The following ARID1B variants were observed in gnomAD, a reference collection of about 807,000 sequenced individuals.
ARID1B encodes AT-rich interaction domain 1B.
A neutral mutation model predicts 212.3 loss-of-function variants in ARID1B; 30 were observed. The observed-to-expected ratio is 0.14, with a 90% CI of 0.11 to 0.19. The LOEUF is 0.19. ARID1B is among the 10% of genes least tolerant of loss of function. The pLI, the probability that ARID1B is intolerant of heterozygous loss-of-function variation, is 1.00. For synonymous variants in ARID1B, 1,402 were observed against 1,301.7 expected, an observed-to-expected ratio of 1.08 and a Z score of -1.66; for missense variants, 2,891 against 3,204.0, an observed-to-expected ratio of 0.90 and a Z score of 2.36.
chr6:157,015,253 G>A (rs935347215), intron 4 of ARID1B, among the ~76,000 whole-genome samples: 5 of 152,236 alleles, frequency 3.3e-5, no homozygotes, highest in African/African-American at 7.2e-5. Flanking sequence ...AAGTCCCGGA[G>A]TTTTGAGCTT....
At chr6:156,973,680 G>A (rs925096823) in intron 4 of ARID1B, among the ~76,000 whole-genome samples, 1 of 152,150 alleles carries the variant, frequency 6.6e-6, no homozygotes, top group Non-Finnish European at 1.5e-5. Context: ...CCTGCTCTCA[G>A]GAGAACTGAG....
intron 2 of ARID1B, among the ~76,000 whole-genome samples, chr6:156,852,052 C>T (rs1459409360): frequency 6.6e-6 from 1 of 152,086 alleles, no homozygotes; most frequent in Non-Finnish European, 1.5e-5. Flanking sequence ...CTTTACCTCT[C>T]GCAAGAGCAT....
intron 5 of ARID1B, among the ~76,000 whole-genome samples, chr6:157,103,383 G>A (rs896908412): frequency 2.6e-5 from 4 of 152,076 alleles, no homozygotes; most frequent in Non-Finnish European, 4.4e-5. Context: ...GACAATGAAC[G>A]GAATTAAATT....
chr6:156,777,753 C>A lies in ARID1B; in HGVS notation c.73C>A (p.Arg25=). ...RARARAGSGE[R]RAPPGPRPAP... ...GCGGGCGCGGGCAGGCAGCGGCGAA[C>A]GGCGGGCGCCCCCCGGGCCGCGGCC... The change falls in exon 1 of 20, where the codon CGG becomes AGG. Residue 25 remains arginine, a synonymous_variant. Coordinates refer to ENST00000636930, the MANE Select transcript of ARID1B (RefSeq NM_001374828.1). The A allele has an allele frequency of 3.9e-6, 2 of 507,392 alleles. No homozygotes were observed. Among genetic ancestry groups the A allele is most frequent in the Non-Finnish European group, 5.0e-6 (2 of 399,112 alleles). The allele number at this position is 507,392 out of a possible 1,614,324, so 31.4% of individuals were successfully genotyped here. A position where few individuals can be genotyped will look rare whatever the true frequency, so the allele number is the denominator to read the frequency against.
At chr6:157,078,020 C>G (rs968888407) in intron 4 of ARID1B, among the ~76,000 whole-genome samples, 1 of 152,104 alleles carries the variant, frequency 6.6e-6, no homozygotes, top group Admixed American at 6.5e-5. Flanking sequence ...AATAAAGGGC[C>G]AGCAGTTACG....
chr6:156,780,397 AG>A (rs1470847561), intron 1 of ARID1B: 1 of 152,240 alleles, frequency 6.6e-6, no homozygotes, highest in Non-Finnish European at 1.5e-5. Flanking sequence ...CAGCGCTGTT[AG>A]GAAGTGTCCT....
chr6:157,022,999 G>A (rs1780424702), intron 4 of ARID1B: 1 of 152,206 alleles, frequency 6.6e-6, no homozygotes, highest in Admixed American at 6.5e-5. Flanking sequence ...AATATGCATA[G>A]AAATTTTCAT....
At chr6:156,837,937 C>T (rs1783626989) in intron 2 of ARID1B, among the ~76,000 whole-genome samples, 1 of 152,166 alleles carries the variant, frequency 6.6e-6, no homozygotes, top group South Asian at 2.1e-4. Flanking sequence ...GCGTGTATAA[C>T]ACAAACATCC....
rs928930655 is a variant in ARID1B, at chr6:157,208,538, A to G, written c.*647A>G. 4 of 233,108 alleles carry G rather than the reference A, an allele frequency of 1.7e-5. No homozygotes were observed. The highest frequency in any genetic ancestry group is 8.8e-5 in the African/African-American group (4 of 45,316). The allele number at this position is 233,108 out of a possible 1,614,324, so 14.4% of individuals were successfully genotyped here. On this transcript the variant is annotated 3_prime_UTR_variant, in exon 20 of 20. Coordinates refer to ENST00000636930, the MANE Select transcript of ARID1B (RefSeq NM_001374828.1). ...TTTTAAGATTGAGAATACATACCTG[A>G]CAACGATCCGGAAACTGCTCCTCAC...
At chr6:157,049,344 T>C (rs1006847453) in intron 4 of ARID1B, among the ~76,000 whole-genome samples, 3 of 152,092 alleles carry the variant, frequency 2.0e-5, no homozygotes, top group African/African-American at 7.2e-5. Context: ...TGGGCAGTTT[T>C]CTCCTTGCAG....
intron 4 of ARID1B, among the ~76,000 whole-genome samples, chr6:157,043,909 T>G (rs543196451): frequency 2.0e-4 from 30 of 152,362 alleles, no homozygotes; most frequent in African/African-American, 7.0e-4. Context: ...GTTGTATTCA[T>G]TCATATCACT....
intron 3 of ARID1B, among the ~76,000 whole-genome samples, chr6:156,916,307 A>G (rs1435289758): frequency 6.6e-6 from 1 of 152,166 alleles, no homozygotes; most frequent in Non-Finnish European, 1.5e-5. Context: ...TAGGGGGCAG[A>G]ATTAGAACTG....
At chr6:157,159,745 T>C (rs1790809852) in intron 8 of ARID1B, among the ~76,000 whole-genome samples, 1 of 151,938 alleles carries the variant, frequency 6.6e-6, no homozygotes, top group Non-Finnish European at 1.5e-5. Flanking sequence ...TCAGGAGAAA[T>C]GCTTTGAAAA....
chr6:157,206,019 C>T lies in ARID1B; in HGVS notation c.5395-148C>T, dbSNP rs1794415463. ...TCGCTGGACCTGAAGGGTAGTTTATCTTTCATGGTCCAGCCAAAAAGGGAG... is the reference window on the plus strand; with the variant it reads ...TCGCTGGACCTGAAGGGTAGTTTATTTTTCATGGTCCAGCCAAAAAGGGAG... On this transcript the variant is annotated intron_variant, in intron 19 of 19. Coordinates refer to ENST00000636930, the MANE Select transcript of ARID1B (RefSeq NM_001374828.1). This position sits in a 1 kb window ranked among gnomAD's most constrained non-coding sequence, Gnocchi z 6.8. The T allele has an allele frequency of 1.1e-6, 1 of 895,650 alleles. No individual in the cohort carries two copies. Among genetic ancestry groups the T allele is most frequent in the Non-Finnish European group, 1.7e-6 (1 of 582,760 alleles). 55.5% of individuals were successfully genotyped at this position (895,650 alleles called of 1,614,324 possible).
intron 4 of ARID1B, among the ~76,000 whole-genome samples, chr6:157,040,337 G>T (rs764160061): frequency 6.6e-6 from 1 of 152,214 alleles, no homozygotes; most frequent in Non-Finnish European, 1.5e-5. Context: ...ACTGGGAAAG[G>T]TAACTCAAGT....
chr6:156,842,290 C>T (rs1469364659), intron 2 of ARID1B, among the ~76,000 whole-genome samples: 1 of 152,210 alleles, frequency 6.6e-6, no homozygotes, highest in Admixed American at 6.5e-5. Context: ...CCTCTTCCCC[C>T]CAGGCAACTG....
intron 8 of ARID1B, among the ~76,000 whole-genome samples, chr6:157,154,580 G>GTTTTTTT (rs1274752634): frequency 3.4e-4 from 38 of 111,576 alleles, no homozygotes; most frequent in East Asian, 1.3e-3. Flanking sequence ...TTTTTTTTTT[G>GTTTTTTT]TTTTTTTTTT....
chr6:157,029,581 A>G (rs1224739475), intron 4 of ARID1B, among the ~76,000 whole-genome samples: 3 of 152,234 alleles, frequency 2.0e-5, no homozygotes, highest in Non-Finnish European at 4.4e-5. Context: ...AGGTGATTAT[A>G]CAAAAGAAGG....
chr6:157,167,696 G>A lies in ARID1B; in HGVS notation c.3235+511G>A, dbSNP rs570737012. ...TCTCTATTGGGAAACTGTTTTAAAT[G>A]TTTCATGATGTTTAGTTATTTTAAC... On this transcript the variant is annotated intron_variant, in intron 9 of 19. Coordinates refer to ENST00000636930, the MANE Select transcript of ARID1B (RefSeq NM_001374828.1). 86 of 152,910 alleles carry A rather than the reference G, an allele frequency of 5.6e-4. 1 individual carries two copies. In the Middle Eastern group the frequency reaches 0.017, roughly 30 times the overall value. The allele number at this position is 152,910 out of a possible 1,614,324, so 9.5% of individuals were successfully genotyped here.
Sources: allele counts gnomAD v4.1 joint callset (sites outside exome capture counted in the v4.1 genomes callset), GRCh38; gene constraint gnomAD v4.1.1; non-coding constraint Gnocchi (gnomAD v3.1); transcripts MANE v1.5; gene names NCBI Gene and HGNC (gene_info 2026-07-23, HGNC 2026-07-21).